FOXP2: variants seen among roughly 807,000 people sequenced by gnomAD.
FOXP2 encodes the protein forkhead box P2.
A neutral mutation model predicts 115.8 loss-of-function variants in FOXP2; 12 were observed. That is an observed-to-expected ratio of 0.10 (90% confidence interval 0.07 to 0.17). FOXP2 has a LOEUF of 0.17. Among genes scored for constraint, FOXP2 ranks in the 10% least tolerant of loss-of-function variants. The pLI is 1.00. For synonymous variants in FOXP2, 328 were observed against 297.7 expected, an observed-to-expected ratio of 1.10 and a Z score of -1.05; for missense variants, 629 against 843.5, an observed-to-expected ratio of 0.75 and a Z score of 3.15.
chr7:114,610,994 A>G (rs1474921215), intron 3 of FOXP2, among the ~76,000 whole-genome samples: 1 of 152,138 alleles, frequency 6.6e-6, no homozygotes, highest in East Asian at 1.9e-4. Context: ...GGTTTCTGTG[A>G]AGGGAAATAA....
intron 2 of FOXP2, among the ~76,000 whole-genome samples, chr7:114,352,641 G>T (rs1045916329): frequency 1.3e-5 from 2 of 152,090 alleles, no homozygotes; most frequent in Non-Finnish European, 2.9e-5. Context: ...TCCTTAGCTT[G>T]TAGTGTGTTT....
chr7:114,397,139 C>T (rs965196847), intron 2 of FOXP2, among the ~76,000 whole-genome samples: 6 of 151,728 alleles, frequency 4.0e-5, no homozygotes, highest in East Asian at 3.9e-4. Context: ...CAAAATAATT[C>T]GGAATAGTGA....
At chr7:114,466,223 C>A (rs1309351914) in intron 2 of FOXP2, among the ~76,000 whole-genome samples, 1 of 152,170 alleles carries the variant, frequency 6.6e-6, no homozygotes, top group Non-Finnish European at 1.5e-5. Flanking sequence ...TGGAGTAATG[C>A]TGGAAGTTTG....
chr7:114,201,979 A>G (rs574877454), intron 1 of FOXP2, among the ~76,000 whole-genome samples: 20 of 152,346 alleles, frequency 1.3e-4, no homozygotes, highest in African/African-American at 4.8e-4. Flanking sequence ...CCTGGAAACT[A>G]TACTCTGTCT....
chr7:114,244,862 C>T (rs1053900562), intron 1 of FOXP2, among the ~76,000 whole-genome samples: 7 of 151,778 alleles, frequency 4.6e-5, no homozygotes, highest in African/African-American at 7.3e-5. Context: ...CCCGGGTTCA[C>T]GCCATTCTCC....
chr7:114,627,831 T>C (rs1031821150), intron 3 of FOXP2, among the ~76,000 whole-genome samples: 10 of 152,056 alleles, frequency 6.6e-5, no homozygotes, highest in African/African-American at 2.4e-4. Context: ...TTGCTTGAAA[T>C]AAGAAAAGGT....
intron 6 of FOXP2, among the ~76,000 whole-genome samples, chr7:114,633,975 T>C (rs1358061080): frequency 6.6e-6 from 1 of 152,064 alleles, no homozygotes; most frequent in Non-Finnish European, 1.5e-5. Context: ...TGGATGATGT[T>C]CTCATTGTGT....
intron 1 of FOXP2, among the ~76,000 whole-genome samples, chr7:114,256,464 CT>C (rs1372383295): frequency 6.6e-6 from 1 of 152,048 alleles, no homozygotes; most frequent in Non-Finnish European, 1.5e-5. Flanking sequence ...TGATGTTGAG[CT>C]TTTTTTCCTG....
chr7:114,092,650 T>G (rs1324919203), intron 1 of FOXP2, among the ~76,000 whole-genome samples: 2 of 152,112 alleles, frequency 1.3e-5, no homozygotes, highest in Non-Finnish European at 2.9e-5. Flanking sequence ...TACAGTACAC[T>G]AATCCAAATA....
At chr7:114,545,351 AG>A (rs1169658327) in intron 3 of FOXP2, among the ~76,000 whole-genome samples, 2 of 152,218 alleles carry the variant, frequency 1.3e-5, no homozygotes, top group Non-Finnish European at 2.9e-5. Context: ...CTAATTAAAA[AG>A]GATTCTGAGC....
At chr7:114,166,794 T>C (rs1387389968) in intron 1 of FOXP2, among the ~76,000 whole-genome samples, 2 of 152,110 alleles carry the variant, frequency 1.3e-5, no homozygotes, top group East Asian at 3.9e-4. Flanking sequence ...TAAAGAAGAT[T>C]TACATATGGC....
intron 1 of FOXP2, among the ~76,000 whole-genome samples, chr7:114,279,039 G>A (rs1329369027): frequency 6.6e-6 from 1 of 152,058 alleles, no homozygotes; most frequent in Non-Finnish European, 1.5e-5. Context: ...CCTCGGTGTT[G>A]GTAGAACTTT....
chr7:114,512,387 G>A (rs561260769), intron 2 of FOXP2, among the ~76,000 whole-genome samples: 1 of 152,194 alleles, frequency 6.6e-6, no homozygotes, highest in East Asian at 1.9e-4. Flanking sequence ...ATTCTCAAAA[G>A]CTTATTTATA....
chr7:114,517,778 CT>C (rs113120887), intron 2 of FOXP2, among the ~76,000 whole-genome samples: 1 of 152,034 alleles, frequency 6.6e-6, no homozygotes, highest in East Asian at 1.9e-4. Flanking sequence ...CCAGCTTTGT[CT>C]TTTTTGCTCA....
intron 3 of FOXP2, among the ~76,000 whole-genome samples, chr7:114,618,985 A>T (rs894718475): frequency 6.6e-6 from 1 of 152,188 alleles, no homozygotes; most frequent in Non-Finnish European, 1.5e-5. Flanking sequence ...TGACATGGAT[A>T]TACTTACCCT....
intron 6 of FOXP2, among the ~76,000 whole-genome samples, chr7:114,633,669 G>A (rs558084624): frequency 3.5e-4 from 53 of 152,266 alleles, no homozygotes; most frequent in African/African-American, 1.2e-3. Flanking sequence ...AGATGATTAA[G>A]TGTGAAAAAT....
chr7:114,590,123 C>T (rs948695926), intron 3 of FOXP2, among the ~76,000 whole-genome samples: 7 of 152,106 alleles, frequency 4.6e-5, no homozygotes, highest in African/African-American at 1.2e-4. Flanking sequence ...CCCTACCTAA[C>T]GAGCCTAGTG....
intron 3 of FOXP2, among the ~76,000 whole-genome samples, chr7:114,564,490 T>C (rs1563002342): frequency 6.6e-6 from 1 of 152,182 alleles, no homozygotes. Context: ...CATAGGAATG[T>C]AGGCAACACA....
At chr7:114,212,976 T>C (rs1303368395) in intron 1 of FOXP2, among the ~76,000 whole-genome samples, 2 of 152,240 alleles carry the variant, frequency 1.3e-5, no homozygotes, top group East Asian at 1.9e-4. Context: ...GTCATGTACA[T>C]GGTAAGCCCT....
Sources: gnomAD v4.1 joint callset for allele counts (sites outside exome capture counted in the v4.1 genomes callset) on GRCh38, gnomAD v4.1.1 for gene constraint, MANE v1.5 for transcripts, NCBI Gene and HGNC (gene_info 2026-07-23, HGNC 2026-07-21) for gene names.